The following RAPGEF2 variants were observed in gnomAD, a reference collection of about 807,000 sequenced individuals.
RAPGEF2 encodes PDZ domain containing guanine nucleotide exchange factor (GEF) 1.
RAPGEF2 carries 54 observed loss-of-function variants against 186.7 expected under a neutral mutation model. The observed-to-expected ratio is 0.29, with a 90% CI of 0.23 to 0.36. RAPGEF2 has a LOEUF of 0.36. Ranked by LOEUF, RAPGEF2 falls within the 10% of genes least tolerant of loss-of-function variation. RAPGEF2 has a pLI of 1.00. For synonymous variants in RAPGEF2, 712 were observed against 705.9 expected (o/e 1.01, Z -0.14); for missense variants, 1,532 against 2,045.0 (o/e 0.75, Z 4.84).
intron 1 of RAPGEF2, among the ~76,000 whole-genome samples, chr4:159,167,364 A>G (rs1272125870): frequency 1.3e-5 from 2 of 152,210 alleles, no homozygotes; most frequent in Non-Finnish European, 2.9e-5. Flanking sequence ...TTTGTAAAAA[A>G]AAGTCAGAGT....
At chr4:159,105,115 A>T (rs1489736844) in intron 1 of RAPGEF2, among the ~76,000 whole-genome samples, 1 of 152,082 alleles carries the variant, frequency 6.6e-6, no homozygotes, top group East Asian at 1.9e-4. Context: ...TTTACTGGAG[A>T]GGGGGAAATT....
intron 3 of RAPGEF2, among the ~76,000 whole-genome samples, chr4:159,202,437 C>T (rs1749535952): frequency 2.6e-5 from 4 of 152,156 alleles, no homozygotes; most frequent in Admixed American, 2.6e-4. Flanking sequence ...CTCCCGAAAA[C>T]CCCCCAAAAC....
chr4:159,191,968 A>C (rs1271505492), intron 2 of RAPGEF2, among the ~76,000 whole-genome samples: 1 of 152,170 alleles, frequency 6.6e-6, no homozygotes, highest in Non-Finnish European at 1.5e-5. Flanking sequence ...GGTCTTACAC[A>C]GGAGTGCAGG....
intron 4 of RAPGEF2, among the ~76,000 whole-genome samples, chr4:159,210,838 G>A (rs1750447961): frequency 6.6e-6 from 1 of 152,168 alleles, no homozygotes; most frequent in African/African-American, 2.4e-5. Context: ...TGTCAGCTGT[G>A]TTGAGGGCAC....
intron 9 of RAPGEF2, among the ~76,000 whole-genome samples, chr4:159,316,516 T>G (rs1764628613): frequency 6.6e-6 from 1 of 152,156 alleles, no homozygotes. Flanking sequence ...CCCCTCTGTG[T>G]GTTCATGTGT....
At chr4:159,175,662 G>A (rs892287919) in intron 1 of RAPGEF2, among the ~76,000 whole-genome samples, 8 of 152,108 alleles carry the variant, frequency 5.3e-5, no homozygotes, top group African/African-American at 1.2e-4. Flanking sequence ...ACTCACTTGC[G>A]AGACCGGCGA....
intron 7 of RAPGEF2, among the ~76,000 whole-genome samples, chr4:159,260,464 G>A (rs772944235): frequency 4.6e-5 from 7 of 151,852 alleles, no homozygotes; most frequent in South Asian, 4.2e-4. Context: ...CTTTCTACTC[G>A]CATTTTCCCG....
chr4:159,103,756 C>T lies in RAPGEF2; in HGVS notation c.-407C>T, dbSNP rs1255825795. The T allele has an allele frequency of 1.3e-5, 2 of 152,580 alleles. 1 individual carries two copies. The highest frequency in any genetic ancestry group is 3.9e-4 in the East Asian group (2 of 5,172). 9.5% of individuals were successfully genotyped at this position (152,580 alleles called of 1,614,324 possible). A position where few individuals can be genotyped will look rare whatever the true frequency, so the allele number is the denominator to read the frequency against. ...GCCCTCCCCACTGCCACTCGTACCTCCCTAAAAATAACTCGGGCCCGCTGG... is the reference window on the plus strand; with the variant it reads ...GCCCTCCCCACTGCCACTCGTACCTTCCTAAAAATAACTCGGGCCCGCTGG... On this transcript the variant is annotated 5_prime_UTR_variant, in exon 1 of 30. Coordinates refer to ENST00000691494, the MANE Select transcript of RAPGEF2 (RefSeq NM_001394067.2).
At chr4:159,258,038 T>C (rs962672777) in intron 7 of RAPGEF2, among the ~76,000 whole-genome samples, 4 of 152,222 alleles carry the variant, frequency 2.6e-5, no homozygotes, top group South Asian at 2.1e-4. Context: ...ACCTAGGTAA[T>C]GTAATCTTCC....
Position 159,317,806 on chromosome 4 carries a change from T to TA in RAPGEF2, c.853+3049dup, listed in dbSNP as rs554302293. Among the ~76,000 whole-genome samples the TA allele has an allele frequency of 6.0e-4, 89 of 148,820 alleles. 1 individual carries two copies. Among genetic ancestry groups the TA allele is most frequent in the Non-Finnish European group, 8.7e-4 (58 of 66,922 alleles). The stretch of plus-strand genomic sequence containing the variant: ...TCAGAATCTTTACTCATAGGTGCTT[T>TA]AAAAAAAAAAATTGGTGAAACGTTG... On this transcript the variant is annotated intron_variant, in intron 9 of 29. Coordinates refer to ENST00000691494, the MANE Select transcript of RAPGEF2 (RefSeq NM_001394067.2).
At chr4:159,351,412 T>C (rs1218927340) in intron 26 of RAPGEF2, among the ~76,000 whole-genome samples, 3 of 152,160 alleles carry the variant, frequency 2.0e-5, no homozygotes, top group Non-Finnish European at 2.9e-5. Flanking sequence ...TTAAATCTTA[T>C]CAAGACCTGT....
intron 1 of RAPGEF2, among the ~76,000 whole-genome samples, chr4:159,131,113 A>T (rs1016770123): frequency 5.3e-5 from 8 of 151,012 alleles, no homozygotes; most frequent in African/African-American, 1.7e-4. Flanking sequence ...AGAGAGAGAG[A>T]GAGAGAGAGA....
At chr4:159,162,221 CAAAAAA>C in intron 1 of RAPGEF2, among the ~76,000 whole-genome samples, 1 of 98,228 alleles carries the variant, frequency 1.0e-5, no homozygotes, top group East Asian at 3.5e-4. Context: ...TGTGTTTCTT[CAAAAAA>C]AAAAAAAAAA....
intron 1 of RAPGEF2, among the ~76,000 whole-genome samples, chr4:159,171,833 TTAGG>T (rs1054510304): frequency 3.9e-5 from 6 of 152,158 alleles, no homozygotes; most frequent in African/African-American, 1.4e-4. Context: ...TAAGATTGCT[TTAGG>T]TAGGTGTCAG....
At chr4:159,352,970 A>G in intron 27 of RAPGEF2, 60 bp downstream of exon 27, 1 of 1,386,016 alleles carries the variant, frequency 7.2e-7, no homozygotes, top group South Asian at 1.4e-5. Flanking sequence ...TTTAATAATG[A>G]GTCTTTTCTT....
chr4:159,330,162 G>A, intron 12 of RAPGEF2, 152 bp downstream of exon 12: 6 of 864,600 alleles, frequency 6.9e-6, no homozygotes, highest in Non-Finnish European at 1.1e-5. Context: ...GTGAATAGCA[G>A]TTTCATTAAT....
intron 4 of RAPGEF2, among the ~76,000 whole-genome samples, chr4:159,232,209 G>A (rs1248781671): frequency 1.3e-5 from 2 of 152,030 alleles, no homozygotes; most frequent in Non-Finnish European, 2.9e-5. Flanking sequence ...TCACACTGTT[G>A]TGCCACTAGT....
At chr4:159,142,685 C>T (rs1378627887) in intron 1 of RAPGEF2, among the ~76,000 whole-genome samples, 1 of 151,956 alleles carries the variant, frequency 6.6e-6, no homozygotes, top group African/African-American at 2.4e-5. Flanking sequence ...TAAAAATTTT[C>T]TTTTCAGTTT....
intron 3 of RAPGEF2, among the ~76,000 whole-genome samples, chr4:159,193,898 T>C (rs1748365670): frequency 6.6e-6 from 1 of 152,244 alleles, no homozygotes; most frequent in Non-Finnish European, 1.5e-5. Context: ...AGACTTATTA[T>C]AGGGAATATT....
Sources: allele counts gnomAD v4.1 joint callset (sites outside exome capture counted in the v4.1 genomes callset), GRCh38; gene constraint gnomAD v4.1.1; transcripts MANE v1.5; gene names NCBI Gene and HGNC (gene_info 2026-07-23, HGNC 2026-07-21).